The following PDILT variants were observed in gnomAD, a reference collection of about 807,000 sequenced individuals.
PDILT encodes the protein protein disulfide isomerase like, testis expressed, also known as protein disulfide-isomerase-like protein of the testis.
PDILT carries 43 observed loss-of-function variants against 53.7 expected under a neutral mutation model. That is an observed-to-expected ratio of 0.80 (90% CI 0.63 to 1.03). PDILT has a LOEUF of 1.03. Ranked by LOEUF, PDILT falls within the 50% of genes least tolerant of loss-of-function variation. PDILT has a pLI of 0.00. For synonymous variants in PDILT, 282 were observed against 274.2 expected (o/e 1.03, Z -0.28); for missense variants, 727 against 712.3 (o/e 1.02, Z -0.24).
At chr16:20,400,975 C>G (rs114593960) in intron 1 of PDILT, among the ~76,000 whole-genome samples, 2,878 of 152,226 alleles carry the variant, frequency 0.019, 83 homozygotes, top group African/African-American at 0.065. Flanking sequence ...AAATGAAATC[C>G]ATGAATTGTC....
chr16:20,374,908 GAA>G lies in PDILT; in HGVS notation c.593_594del (p.Phe198SerfsTer22). On this transcript the variant is annotated frameshift_variant, in exon 5 of 12. Transcript: ENST00000302451. LOFTEE classifies it high-confidence loss of function. ...AELFYDVIKD[F>X]PELTFGVITI... Reference sequence around the variant, plus strand: ...GTTATGACTCCAAACGTTAGCTCTGGAAAGTCTTTGATCACATCATAGAACAA... The same window carrying G: ...GTTATGACTCCAAACGTTAGCTCTGGAGTCTTTGATCACATCATAGAACAA... The G allele has an allele frequency of 6.2e-7, 1 of 1,614,080 alleles. No homozygotes were observed. Among genetic ancestry groups the G allele is most frequent in the South Asian group, 1.1e-5 (1 of 91,054 alleles).
intron 2 of PDILT, among the ~76,000 whole-genome samples, chr16:20,398,874 A>G (rs996914414): frequency 6.6e-6 from 1 of 152,158 alleles, no homozygotes; most frequent in Non-Finnish European, 1.5e-5. Flanking sequence ...CCACATACAA[A>G]TCCAAGACTA....
intron 8 of PDILT, among the ~76,000 whole-genome samples, 200 bp from the exon 9 acceptor site, chr16:20,365,740 T>C (rs1469224049): frequency 6.6e-6 from 1 of 152,136 alleles, no homozygotes; most frequent in Non-Finnish European, 1.5e-5. Flanking sequence ...GTCAGGGGAC[T>C]GAGGAGCAGA....
chr16:20,399,413 G>T, intron 1 of PDILT, 106 bp from the exon 2 acceptor site: 1 of 1,231,524 alleles, frequency 8.1e-7, no homozygotes, highest in Non-Finnish European at 1.1e-6. Context: ...GGTGAATGTG[G>T]CCTGAGCATT....
At chr16:20,404,028 T>A (rs1966781832) in intron 1 of PDILT, among the ~76,000 whole-genome samples, 1 of 152,240 alleles carries the variant, frequency 6.6e-6, no homozygotes, top group African/African-American at 2.4e-5. Flanking sequence ...TATTTTGTAT[T>A]ATTATTTATG....
chr16:20,374,860 A>G lies in PDILT; in HGVS notation c.643T>C (p.Phe215Leu). The change falls in exon 5 of 12, where the codon TTC becomes CTC. Residue 215 changes from phenylalanine (F) to leucine (L), a missense_variant. Phe to Leu is a conservative substitution (Grantham distance 22, BLOSUM62 0). Transcript: ENST00000302451. ...AGGACGCTGTCAAGGGTGACGTGGA[A>G]ACGCCCAATGACATTGCCAATCGTT... ...VITIGNVIGR[F>L]HVTLDSVLVF... 6.2e-7 allele frequency: 1 copy of G among 1,614,098 alleles called. No homozygotes were observed.
At chr16:20,367,135 C>T (rs896782948) in intron 8 of PDILT, among the ~76,000 whole-genome samples, 1 of 145,552 alleles carries the variant, frequency 6.9e-6, no homozygotes, top group African/African-American at 2.6e-5. Context: ...CAGAGTCTCG[C>T]TCTGTCACCC....
Position 20,402,539 on chromosome 16 carries a change from T to A in PDILT, c.-8+1957A>T, listed in dbSNP as rs556222544. Among the ~76,000 whole-genome samples the A allele has an allele frequency of 2.0e-4, 31 of 152,322 alleles. No homozygotes were observed. In the South Asian group the frequency reaches 2.9e-3, roughly 14 times the overall value. On this transcript the variant is annotated intron_variant, in intron 1 of 11. Transcript: ENST00000302451. ...GTCTGGAACTCCTGACCTCAGGTGA[T>A]CCGCCCACCTCGGCCTCCCAAAGTG... is the stretch of plus-strand genomic sequence containing the variant.
chr16:20,365,537 G>A lies in PDILT; in HGVS notation c.1120C>T (p.His374Tyr). 6.2e-7 allele frequency: 1 copy of A among 1,614,116 alleles called. No homozygotes were observed. Among genetic ancestry groups the A allele is most frequent in the South Asian group, 1.1e-5 (1 of 91,078 alleles). The change falls in exon 9 of 12, where the codon CAT becomes TAT. Residue 374 changes from histidine (H) to tyrosine (Y), a missense_variant. Physicochemically the swap from His to Tyr is moderately conservative, Grantham distance 83. Coordinates refer to ENST00000302451, the MANE Select transcript of PDILT (RefSeq NM_174924.2). ...RSFLSKNATK[H>Y]QSSEEIPKYW... The stretch of plus-strand genomic sequence containing the variant: ...TTTGGAATCTCTTCACTGGATTGAT[G>A]TTTCTAGGAAGCACATTTGAGAGGC...
At chr16:20,385,125 G>A (rs1403771912) in intron 2 of PDILT, among the ~76,000 whole-genome samples, 2 of 152,220 alleles carry the variant, frequency 1.3e-5, no homozygotes, top group East Asian at 3.8e-4. Flanking sequence ...CACTTCTCTT[G>A]TGTAAAGTGG....
intron 4 of PDILT, 109 bp from the exon 5 acceptor site, chr16:20,375,068 T>A (rs1966365498): frequency 7.6e-7 from 1 of 1,313,736 alleles, no homozygotes; most frequent in Admixed American, 2.5e-5. Context: ...TTTTTCAAGT[T>A]CTGGGGTTTG....
chr16:20,399,487 C>T (rs142995792), intron 1 of PDILT, among the ~76,000 whole-genome samples, 180 bp from the exon 2 acceptor site: 62 of 152,276 alleles, frequency 4.1e-4, no homozygotes, highest in African/African-American at 1.4e-3. Flanking sequence ...TTAGGTCGAC[C>T]TCAGGCCCAG....
In PDILT at chr16:20,360,626, T is replaced by C. The variant is rs899733025; in HGVS notation, c.1448A>G (p.Lys483Arg). ...GCTTTCCAGGAAGTCAGAGAAGCCC[T>C]TCAGGGTGTGTTCTCCCTTATACAG... Reference protein sequence around the residue: ...AVLYKGEHTLKGFSDFLESHI... With the variant: ...AVLYKGEHTLRGFSDFLESHI... The change falls in exon 11 of 12, where the codon AAG (lysine) becomes AGG (arginine). Residue 483 changes from lysine (K) to arginine (R), a missense_variant. Physicochemically the swap from Lys to Arg is conservative, Grantham distance 26. Transcript: ENST00000302451. 1 of 1,614,076 alleles carries C rather than the reference T, an allele frequency of 6.2e-7. No homozygotes were observed. The highest frequency in any genetic ancestry group is 1.7e-5 in the Admixed American group (1 of 60,030).
At chr16:20,361,980 C>T (rs2141698047) in intron 10 of PDILT, among the ~76,000 whole-genome samples, 1 of 152,282 alleles carries the variant, frequency 6.6e-6, no homozygotes, top group Non-Finnish European at 1.5e-5. Flanking sequence ...TGACTGTAAT[C>T]CCAAGGTGGA....
chr16:20,400,569 G>A (rs888292395), intron 1 of PDILT, among the ~76,000 whole-genome samples: 8 of 152,006 alleles, frequency 5.3e-5, no homozygotes, highest in South Asian at 4.2e-4. Flanking sequence ...ATACCTACAT[G>A]TTTCAAAAGC....
chr16:20,359,624 T>G (rs1356454912), intron 11 of PDILT, 57 bp from the exon 12 acceptor site: 2 of 1,511,620 alleles, frequency 1.3e-6, no homozygotes, highest in African/African-American at 1.4e-5. Context: ...GAGAAAGAAA[T>G]AAAGAGGCAA....
intron 9 of PDILT, among the ~76,000 whole-genome samples, chr16:20,363,963 C>A (rs7498579): frequency 0.57 from 86,318 of 151,872 alleles, 25,310 homozygotes; most frequent in Middle Eastern, 0.63. Context: ...GCTCTGTAAG[C>A]GAAATGGCCT....
intron 9 of PDILT, 95 bp downstream of exon 9, chr16:20,365,325 G>T: frequency 1.4e-6 from 2 of 1,414,926 alleles, no homozygotes; most frequent in Non-Finnish European, 2.0e-6. Flanking sequence ...TGCATTGATG[G>T]GTTTTAGAGA....
Position 20,366,936 on chromosome 16 carries a change from T to C in PDILT, c.1117-1396A>G, listed in dbSNP as rs1047060808. On this transcript the variant is annotated intron_variant, in intron 8 of 11. Coordinates refer to ENST00000302451, the MANE Select transcript of PDILT (RefSeq NM_174924.2). ...TCATTGCTCTTAGGAAACCAAATTCTTTCCTTCCTTCCTTCCTTCCTTCCT... is the reference window on the plus strand; with the variant it reads ...TCATTGCTCTTAGGAAACCAAATTCCTTCCTTCCTTCCTTCCTTCCTTCCT... Among the ~76,000 whole-genome samples the C allele has an allele frequency of 7.9e-3, 283 of 35,754 alleles. 7 individuals carry two copies. Among genetic ancestry groups the C allele is most frequent in the African/African-American group, 0.021 (267 of 12,572 alleles). The allele number at this position is 35,754 out of a possible 152,430, so 23.5% of individuals were successfully genotyped here. A position where few individuals can be genotyped will look rare whatever the true frequency, so the allele number is the denominator to read the frequency against.
Sources: allele counts gnomAD v4.1 joint callset (sites outside exome capture counted in the v4.1 genomes callset), GRCh38; gene constraint gnomAD v4.1.1; transcripts MANE v1.5; gene names NCBI Gene and HGNC (gene_info 2026-07-23, HGNC 2026-07-21).